The following ERC2 variants were observed in gnomAD, a reference collection of about 807,000 sequenced individuals.
The protein encoded by ERC2 is ELKS/RAB6-interacting/CAST family member 2.
Under a neutral mutation model 114.8 loss-of-function variants are expected in ERC2, and 42 were observed. That is an observed-to-expected ratio of 0.37 (90% CI 0.29 to 0.47). The LOEUF (loss-of-function observed/expected upper bound fraction) is 0.47, where lower values mean the gene tolerates loss of function less well. ERC2 is among the 20% of genes least tolerant of loss of function. ERC2 has a pLI of 0.99. For synonymous variants in ERC2, 454 were observed against 425.5 expected (o/e 1.07, Z -0.82); for missense variants, 939 against 1,150.7 (o/e 0.82, Z 2.66).
intron 6 of ERC2, among the ~76,000 whole-genome samples, chr3:56,102,168 G>T (rs1280902900): frequency 6.6e-6 from 1 of 152,136 alleles, no homozygotes; most frequent in African/African-American, 2.4e-5. Flanking sequence ...GCAAATGGAG[G>T]TCAGGCGAGT....
intron 3 of ERC2, among the ~76,000 whole-genome samples, chr3:56,227,994 C>G (rs557250016): frequency 1.3e-5 from 2 of 152,052 alleles, no homozygotes; most frequent in African/African-American, 2.4e-5. Flanking sequence ...ATAGACATGA[C>G]CATGAGAGAA....
chr3:56,213,031 G>A (rs974228824), intron 3 of ERC2, among the ~76,000 whole-genome samples: 1 of 152,202 alleles, frequency 6.6e-6, no homozygotes, highest in Non-Finnish European at 1.5e-5. Flanking sequence ...TTTGGGGAAA[G>A]GGTGGGAGGG....
intron 17 of ERC2, among the ~76,000 whole-genome samples, chr3:55,607,282 C>T (rs1575746219): frequency 6.6e-6 from 1 of 152,152 alleles, no homozygotes; most frequent in Non-Finnish European, 1.5e-5. Flanking sequence ...GCAGCCAACC[C>T]AGACTGGGGG....
At chr3:56,215,493 T>C (rs927745216) in intron 3 of ERC2, among the ~76,000 whole-genome samples, 5 of 152,156 alleles carry the variant, frequency 3.3e-5, no homozygotes, top group South Asian at 2.1e-4. Flanking sequence ...ATTCATAAAG[T>C]AAGTCCTTAG....
At chr3:56,268,529 C>G (rs2053469099) in intron 3 of ERC2, among the ~76,000 whole-genome samples, 1 of 152,076 alleles carries the variant, frequency 6.6e-6, no homozygotes, top group Non-Finnish European at 1.5e-5. Context: ...GTTCTAGCCC[C>G]TACACACCTT....
At chr3:55,732,479 AC>A (rs1450333961) in intron 15 of ERC2, among the ~76,000 whole-genome samples, 1 of 152,238 alleles carries the variant, frequency 6.6e-6, no homozygotes, top group East Asian at 1.9e-4. Flanking sequence ...TCCCAAATGT[AC>A]CCCATGACAC....
rs868491973 is a variant in ERC2, at chr3:56,295,061, G to A, written c.1074+958C>T. 7.9e-5 allele frequency among the ~76,000 whole-genome samples: 12 copies of A among 152,282 alleles called. 1 individual carries two copies. In the Middle Eastern group the frequency reaches 0.024, roughly 302 times the overall value. Reference sequence around the variant, plus strand: ...TCCCAACATGGAAGCCATGTCTTCCGACCAACCAAACAAGTGACTCACAAG... The same window carrying A: ...TCCCAACATGGAAGCCATGTCTTCCAACCAACCAAACAAGTGACTCACAAG... On this transcript the variant is annotated intron_variant, in intron 3 of 17. Coordinates refer to ENST00000288221, the MANE Select transcript of ERC2 (RefSeq NM_015576.3).
chr3:55,710,911 G>C (rs2063745476), intron 15 of ERC2, among the ~76,000 whole-genome samples: 1 of 152,294 alleles, frequency 6.6e-6, no homozygotes, highest in Non-Finnish European at 1.5e-5. Context: ...GAGGGGGAAG[G>C]TTAGTTGCTG....
Position 56,329,789 on chromosome 3 carries a change from C to CTATA in ERC2, c.658-33358_658-33355dup, listed in dbSNP as rs35065678. 2.3e-3 allele frequency among the ~76,000 whole-genome samples: 341 copies of CTATA among 146,634 alleles called. 1 individual carries two copies. The highest frequency in any genetic ancestry group is 6.7e-3 in the African/African-American group (270 of 40,018). On this transcript the variant is annotated intron_variant, in intron 2 of 17. Transcript: ENST00000288221. ...GTATTCTCATATATATGTATTTCCA[C>CTATA]TATATATATATATATATTTCCACTA...
chr3:55,640,778 G>C (rs1243250096), intron 17 of ERC2, among the ~76,000 whole-genome samples: 1 of 152,048 alleles, frequency 6.6e-6, no homozygotes, highest in African/African-American at 2.4e-5. Flanking sequence ...AGTCCCTGCA[G>C]GTCTTCAACA....
intron 7 of ERC2, among the ~76,000 whole-genome samples, chr3:56,031,296 T>G (rs1399116063): frequency 6.6e-6 from 1 of 152,000 alleles, no homozygotes; most frequent in African/African-American, 2.4e-5. Context: ...CCACCCTAAA[T>G]AACCCAGATT....
rs146499519 is a variant in ERC2, at chr3:55,754,095, T to C, written c.2565-19177A>G. Among the ~76,000 whole-genome samples, 226 of 152,334 alleles carry C rather than the reference T, an allele frequency of 1.5e-3. 1 individual carries two copies. The highest frequency in any genetic ancestry group is 6.8e-3 in the Middle Eastern group (2 of 294). ...TGCAAGCTATAGTTATTTTTTACCATTACTATGAGTGTGGTTCATTAAGTT... is the reference window on the plus strand; with the variant it reads ...TGCAAGCTATAGTTATTTTTTACCACTACTATGAGTGTGGTTCATTAAGTT... On this transcript the variant is annotated intron_variant, in intron 14 of 17. Transcript: ENST00000288221.
intron 2 of ERC2, among the ~76,000 whole-genome samples, chr3:56,399,403 TCA>T (rs2060437336): frequency 6.6e-6 from 1 of 152,210 alleles, no homozygotes; most frequent in Non-Finnish European, 1.5e-5. Flanking sequence ...CCTTTGAAAT[TCA>T]CAGTCACTTC....
At chr3:55,565,698 T>C (rs2056323207) in intron 17 of ERC2, among the ~76,000 whole-genome samples, 1 of 152,210 alleles carries the variant, frequency 6.6e-6, no homozygotes, top group South Asian at 2.1e-4. Context: ...TGGCCGTAAG[T>C]CACTCTTTGG....
Position 56,007,372 on chromosome 3 carries a change from A to G in ERC2, c.1921-51T>C. The G allele has an allele frequency of 3.3e-6, 5 of 1,510,514 alleles. No homozygotes were observed. The South Asian group carries it at 6.1e-5, about 18-fold the overall frequency. The allele number at this position is 1,510,514 out of a possible 1,614,324, so 93.6% of individuals were successfully genotyped here. ...TAAAACACTGAAATTTCTACTAGCAATGCCTTCAATTTGAACACATTGATT... is the reference window on the plus strand; with the variant it reads ...TAAAACACTGAAATTTCTACTAGCAGTGCCTTCAATTTGAACACATTGATT... On this transcript the variant is annotated intron_variant, in intron 9 of 17. Transcript: ENST00000288221.
intron 3 of ERC2, among the ~76,000 whole-genome samples, chr3:56,187,909 C>G (rs1036835817): frequency 5.9e-5 from 9 of 152,106 alleles, no homozygotes; most frequent in African/African-American, 1.9e-4. Context: ...TAACTTTAAG[C>G]TGGCAGTCAG....
chr3:56,318,911 G>T lies in ERC2; in HGVS notation c.658-22476C>A, dbSNP rs1273985252. Among the ~76,000 whole-genome samples the T allele has an allele frequency of 2.1e-5, 3 of 145,888 alleles. No individual in the cohort carries two copies. The East Asian group carries it at 6.0e-4, about 29-fold the overall frequency. Reference sequence around the variant, plus strand: ...CTAGGAGTCAAGGCTTCAGTGAGTTGTGATTGTGCCACTGTACTCCAGCCT... The same window carrying T: ...CTAGGAGTCAAGGCTTCAGTGAGTTTTGATTGTGCCACTGTACTCCAGCCT... On this transcript the variant is annotated intron_variant, in intron 2 of 17. Transcript: ENST00000288221.
intron 13 of ERC2, among the ~76,000 whole-genome samples, chr3:55,891,247 G>T (rs954488731): frequency 6.6e-6 from 1 of 152,034 alleles, no homozygotes; most frequent in African/African-American, 2.4e-5. Context: ...TCCCTGCCCT[G>T]GTGACCGTGG....
intron 4 of ERC2, among the ~76,000 whole-genome samples, chr3:56,156,388 C>A (rs969116651): frequency 6.6e-6 from 1 of 152,046 alleles, no homozygotes; most frequent in African/African-American, 2.4e-5. Context: ...TCCCATGGAG[C>A]CAGGAGTGAT....
Sources: allele counts gnomAD v4.1 joint callset (sites outside exome capture counted in the v4.1 genomes callset), GRCh38; gene constraint gnomAD v4.1.1; transcripts MANE v1.5; gene names NCBI Gene and HGNC (gene_info 2026-07-23, HGNC 2026-07-21).